Variants in SATL1 observed in about 807,000 individuals in gnomAD.
The protein encoded by SATL1 is spermidine/spermine N(1)-acetyltransferase-like protein 1.
Under a neutral mutation model 51.8 loss-of-function variants are expected in SATL1, and 47 were observed. The observed-to-expected ratio is 0.91, with a 90% CI of 0.72 to 1.16. The LOEUF (loss-of-function observed/expected upper bound fraction) is 1.16, where lower values mean the gene tolerates loss of function less well. Among genes scored for constraint, SATL1 ranks in the 50% most tolerant of loss-of-function variants. The pLI is 0.00. For synonymous variants in SATL1, 176 were observed against 182.4 expected (o/e 0.97, Z 0.28); for missense variants, 520 against 526.4 (o/e 0.99, Z 0.12).
At chrX:85,228,122 T>C (rs1395358789) in intron 1 of SATL1, among the ~76,000 whole-genome samples, 1 of 111,098 alleles carries the variant, frequency 9.0e-6, no homozygotes, top group African/African-American at 3.3e-5. Context: ...TTCATAAATT[T>C]TTGGAACTTC....
chrX:85,134,247 T>A (rs1034199068), intron 2 of SATL1, among the ~76,000 whole-genome samples: 6 of 110,741 alleles, frequency 5.4e-5, no homozygotes, highest in African/African-American at 2.0e-4. Flanking sequence ...TTATTGTTAA[T>A]GGAAAGCTTC....
At chrX:85,157,963 A>G (rs1351319222) in intron 2 of SATL1, among the ~76,000 whole-genome samples, 2 of 111,636 alleles carry the variant, frequency 1.8e-5, no homozygotes, top group South Asian at 3.7e-4. Context: ...CTACAGGTTA[A>G]CAACTTAATA....
intron 1 of SATL1, among the ~76,000 whole-genome samples, chrX:85,236,697 T>C (rs1928488155): frequency 1.8e-5 from 2 of 111,300 alleles, no homozygotes; most frequent in South Asian, 7.5e-4. Flanking sequence ...CACAACACAG[T>C]AAAAGTCACA....
chrX:85,168,022 CAA>C (rs199932955), intron 2 of SATL1, among the ~76,000 whole-genome samples: 5 of 100,672 alleles, frequency 5.0e-5, no homozygotes, highest in East Asian at 3.1e-4. Context: ...GAACTAAGAA[CAA>C]AAAAAAAAAC....
rs910327795 is a variant in SATL1 at position 85,125,743 on chromosome X, A to AAT, written c.-312-16465_-312-16464dup. Among the ~76,000 whole-genome samples, 121 of 107,997 alleles carry AAT rather than the reference A, an allele frequency of 1.1e-3. 1 individual carries two copies. Among genetic ancestry groups the AAT allele is most frequent in the African/African-American group, 3.2e-3 (96 of 29,851 alleles). The allele number at this position is 107,997 out of a possible 115,157, so 93.8% of individuals were successfully genotyped here. A position where few individuals can be genotyped will look rare whatever the true frequency, so the allele number is the denominator to read the frequency against. ...AGATATCAGATGAAAAAAATTTTTA[A>AAT]ATATATATATATATAGCCAATCCAT... On this transcript the variant is annotated intron_variant, in intron 2 of 7. Transcript: ENST00000644105.
chrX:85,131,304 GA>G (rs752413409), intron 2 of SATL1, among the ~76,000 whole-genome samples: 320 of 111,608 alleles, frequency 2.9e-3, no homozygotes, highest in Middle Eastern at 9.2e-3. Context: ...AAGTCTCTAA[GA>G]ACTTGCTTTA....
At chrX:85,207,407 A>C (rs1927811905) in intron 2 of SATL1, 1 of 111,868 alleles carries the variant, frequency 8.9e-6, no homozygotes, top group African/African-American at 3.2e-5. Context: ...ACGTACCTTC[A>C]TATCTTCTTG....
In SATL1 at chrX:85,214,235, G is replaced by T. The variant is rs1298898197; in HGVS notation, c.-313+9970C>A. Reference sequence around the variant, plus strand: ...CATCTATTTCTGGTGAGGGCTTTAGGCTGCTTCCACTCATGGTAGAAGGCA... The same window carrying T: ...CATCTATTTCTGGTGAGGGCTTTAGTCTGCTTCCACTCATGGTAGAAGGCA... On this transcript the variant is annotated intron_variant, in intron 2 of 7. Transcript: ENST00000644105. Among the ~76,000 whole-genome samples the T allele has an allele frequency of 4.5e-5, 5 of 111,484 alleles. No individual in the cohort carries two copies. The East Asian group carries it at 1.4e-3, about 31-fold the overall frequency.
chrX:85,155,894 A>C (rs2147725061), intron 2 of SATL1, among the ~76,000 whole-genome samples: 1 of 111,799 alleles, frequency 8.9e-6, no homozygotes, highest in Admixed American at 9.6e-5. Context: ...ATAATGTAAT[A>C]TTTTTGTGAA....
At chrX:85,148,854 C>A (rs1423070496) in intron 2 of SATL1, among the ~76,000 whole-genome samples, 3 of 111,429 alleles carry the variant, frequency 2.7e-5, no homozygotes, top group African/African-American at 9.8e-5. Context: ...CCAGCCACTG[C>A]AAAATCATGC....
chrX:85,134,771 G>A (rs1330552999), intron 2 of SATL1, among the ~76,000 whole-genome samples: 2 of 111,557 alleles, frequency 1.8e-5, no homozygotes, highest in Admixed American at 9.6e-5. Context: ...GAGGATGCCA[G>A]GGGTCTGTAA....
chrX:85,136,353 CAA>C (rs754767975), intron 2 of SATL1, among the ~76,000 whole-genome samples: 14 of 111,538 alleles, frequency 1.3e-4, no homozygotes, highest in African/African-American at 4.6e-4. Context: ...GATTACTCAA[CAA>C]AGAGTACAAA....
chrX:85,127,812 C>T (rs1198378022), intron 2 of SATL1, among the ~76,000 whole-genome samples: 1 of 110,388 alleles, frequency 9.1e-6, no homozygotes, highest in Non-Finnish European at 1.9e-5. Context: ...CACCCCACGA[C>T]AGGCCCCAGT....
rs1166851121 is a variant in SATL1, at chrX:85,119,920, C to T, written c.-312-10640G>A. 5.4e-5 allele frequency among the ~76,000 whole-genome samples: 6 copies of T among 110,707 alleles called. No individual in the cohort carries two copies. The East Asian group carries it at 1.7e-3, about 31-fold the overall frequency. On this transcript the variant is annotated intron_variant, in intron 2 of 7. Coordinates refer to ENST00000644105, the MANE Select transcript of SATL1 (RefSeq NM_001367857.2). Reference sequence around the variant, plus strand: ...AAGTTTAGTGTCTTCTTAAATTAAGCGAATAAAAGGCTAAAATAAAAAAAT... The same window carrying T: ...AAGTTTAGTGTCTTCTTAAATTAAGTGAATAAAAGGCTAAAATAAAAAAAT...
chrX:85,213,346 A>G (rs1353626282), intron 2 of SATL1, among the ~76,000 whole-genome samples: 1 of 112,266 alleles, frequency 8.9e-6, no homozygotes, highest in Non-Finnish European at 1.9e-5. Flanking sequence ...ATCACTAGCT[A>G]TAAGACATGT....
chrX:85,210,397 TAAAAAAAAAAAAAAAA>T (rs11346069), intron 2 of SATL1: 1 of 59,176 alleles, frequency 1.7e-5, no homozygotes. Context: ...TCCAAACTGG[TAAAAAAAAAAAAAAAA>T]AAAAAAAAAA....
intron 1 of SATL1, among the ~76,000 whole-genome samples, chrX:85,242,538 G>A (rs960298479): frequency 1.8e-5 from 2 of 112,151 alleles, no homozygotes; most frequent in Non-Finnish European, 3.8e-5. Flanking sequence ...AAATGTCAGC[G>A]TTCATAAATA....
At chrX:85,093,948 T>C (rs1454390974) in intron 6 of SATL1, among the ~76,000 whole-genome samples, 180 bp downstream of exon 6, 2 of 112,132 alleles carry the variant, frequency 1.8e-5, no homozygotes, top group African/African-American at 6.5e-5. Flanking sequence ...TTCTAATCTG[T>C]GACTGAGTCT....
Position 85,108,012 on chromosome X carries a change from T to C in SATL1, c.957A>G (p.Pro319=), listed in dbSNP as rs1002965118. 5 of 1,211,844 alleles carry C rather than the reference T, an allele frequency of 4.1e-6. No homozygotes were observed. In the Admixed American group the frequency reaches 1.1e-4, roughly 26 times the overall value. ...GGCTCCTACCTAATTGCCATGTGCC[T>C]GGTTGTTTCATGCCAGGTTGGTTTA... ...PDINQPGMKQ[P]GTWQLGRSQP... is the part of the protein sequence containing the mutation. Residue 319 remains proline, a synonymous_variant, in exon 3 of 8, where the codon CCA becomes CCG. Transcript: ENST00000644105.
Sources: allele counts gnomAD v4.1 joint callset (sites outside exome capture counted in the v4.1 genomes callset), GRCh38; gene constraint gnomAD v4.1.1; transcripts MANE v1.5; gene names NCBI Gene and HGNC (gene_info 2026-07-23, HGNC 2026-07-21).